Variants in RGS7 observed in about 807,000 individuals in gnomAD.
RGS7 encodes the protein regulator of G-protein signaling 7.
In RGS7, 27 loss-of-function variants were observed where a neutral mutation model predicts 81.1. The ratio of observed to expected loss-of-function variants is 0.33; its 90% CI spans 0.25 to 0.46. RGS7 has a LOEUF of 0.46. RGS7 is among the 20% of genes least tolerant of loss of function. The probability of loss-of-function intolerance (pLI) is 1.00; values close to 1 mark genes in which losing one functional copy is unlikely to be tolerated. For missense variants in RGS7, 396 were observed against 607.4 expected (o/e 0.65, Z 3.66); for synonymous variants, 208 against 207.7 (o/e 1.00, Z -0.01).
intron 3 of RGS7, among the ~76,000 whole-genome samples, chr1:240,983,430 C>G (rs1340332835): frequency 6.6e-6 from 1 of 152,108 alleles, no homozygotes; most frequent in East Asian, 1.9e-4. Flanking sequence ...TATTAAGCAT[C>G]TCCTATATTT....
At chr1:241,348,020 C>T (rs1218208303) in intron 2 of RGS7, among the ~76,000 whole-genome samples, 1 of 152,160 alleles carries the variant, frequency 6.6e-6, no homozygotes, top group Non-Finnish European at 1.5e-5. Context: ...AAGTCCTTTA[C>T]TTCCTGCCAC....
rs12047176 is a variant in RGS7 at position 240,790,125 on chromosome 1, G to T, written c.*6+10516C>A. On this transcript the variant is annotated intron_variant, in intron 18 of 18. Coordinates refer to ENST00000440928, the MANE Select transcript of RGS7 (RefSeq NM_001364886.1). ...CGCATGCCTGTAATCCAAGCTATTT[G>T]GGAGGCTGAAGCAGGAGAATCACTT... is the stretch of plus-strand genomic sequence containing the variant. Among the ~76,000 whole-genome samples the T allele has an allele frequency of 2.9e-4, 44 of 152,158 alleles. No individual in the cohort carries two copies. In the East Asian group the frequency reaches 7.4e-3, roughly 25 times the overall value.
intron 2 of RGS7, among the ~76,000 whole-genome samples, chr1:241,310,270 C>A (rs569284463): frequency 1.3e-5 from 2 of 152,064 alleles, no homozygotes; most frequent in South Asian, 4.2e-4. Flanking sequence ...GAAGTAGCAC[C>A]CTGTCTTCTA....
chr1:241,048,907 G>C (rs2061095252), intron 3 of RGS7, among the ~76,000 whole-genome samples: 1 of 152,170 alleles, frequency 6.6e-6, no homozygotes, highest in African/African-American at 2.4e-5. Context: ...CGATCTCCCT[G>C]CCTCTTCCTA....
chr1:240,831,302 C>A (rs1173703585), intron 9 of RGS7, among the ~76,000 whole-genome samples: 1 of 152,004 alleles, frequency 6.6e-6, no homozygotes, highest in Non-Finnish European at 1.5e-5. Flanking sequence ...CCCAAAGTTG[C>A]CTGGAATACT....
chr1:241,026,025 C>T (rs1439866130), intron 3 of RGS7, among the ~76,000 whole-genome samples: 1 of 152,204 alleles, frequency 6.6e-6, no homozygotes, highest in Non-Finnish European at 1.5e-5. Flanking sequence ...TGTATATTGG[C>T]AAATTGTCTC....
intron 2 of RGS7, among the ~76,000 whole-genome samples, chr1:241,190,701 T>C (rs1349317384): frequency 6.6e-6 from 1 of 152,240 alleles, no homozygotes; most frequent in Non-Finnish European, 1.5e-5. Context: ...ATTTATCAGT[T>C]CTGTGGATGT....
chr1:240,817,520 CGTCTTGACTCTGTATCT>C (rs1305309958), intron 10 of RGS7, among the ~76,000 whole-genome samples: 1 of 152,146 alleles, frequency 6.6e-6, no homozygotes, highest in Non-Finnish European at 1.5e-5. Flanking sequence ...CTTAACACTA[CGTCTTGACTCTGTATCT>C]GTCTTGACTC....
intron 2 of RGS7, among the ~76,000 whole-genome samples, chr1:241,333,142 A>T (rs745527795): frequency 2.0e-5 from 3 of 152,234 alleles, no homozygotes; most frequent in Admixed American, 6.5e-5. Context: ...ATCAATAGAG[A>T]GCCAGACCCA....
At chr1:241,291,042 G>T (rs1051462376) in intron 2 of RGS7, among the ~76,000 whole-genome samples, 1 of 152,132 alleles carries the variant, frequency 6.6e-6, no homozygotes, top group African/African-American at 2.4e-5. Flanking sequence ...TGATTTAAAG[G>T]ATTTCTACTG....
chr1:241,062,937 G>A (rs1351906893), intron 3 of RGS7, among the ~76,000 whole-genome samples: 6 of 151,986 alleles, frequency 3.9e-5, no homozygotes, highest in Admixed American at 2.0e-4. Flanking sequence ...TCCCCTTCCC[G>A]CAATATTATC....
chr1:241,062,604 T>C (rs1170841590), intron 3 of RGS7, among the ~76,000 whole-genome samples: 1 of 152,214 alleles, frequency 6.6e-6, no homozygotes, highest in East Asian at 1.9e-4. Context: ...ACTCTGCAGT[T>C]ACTGAATTGA....
intron 2 of RGS7, among the ~76,000 whole-genome samples, chr1:241,220,968 AGG>A (rs2074879719): frequency 1.0e-5 from 1 of 95,300 alleles, no homozygotes; most frequent in Non-Finnish European, 2.2e-5. Flanking sequence ...GAAGGAAGGA[AGG>A]AAGGAAGGAA....
chr1:240,821,163 C>T (rs1054465489), intron 10 of RGS7, among the ~76,000 whole-genome samples: 2 of 152,136 alleles, frequency 1.3e-5, no homozygotes, highest in Non-Finnish European at 2.9e-5. Flanking sequence ...TCAGAAAAGT[C>T]CCCTCTTGGC....
At chr1:240,821,257 A>C (rs573175092) in intron 10 of RGS7, among the ~76,000 whole-genome samples, 12 of 152,188 alleles carry the variant, frequency 7.9e-5, no homozygotes, top group South Asian at 6.2e-4. Context: ...GTTCGAGACC[A>C]GTCTAGGCAA....
At chr1:240,967,204 C>T (rs573351731) in intron 4 of RGS7, among the ~76,000 whole-genome samples, 7 of 152,096 alleles carry the variant, frequency 4.6e-5, no homozygotes, top group South Asian at 2.1e-4. Context: ...CTTTAGAAAG[C>T]GTGGCTAAGA....
At chr1:240,919,911 A>G (rs1673222783) in intron 6 of RGS7, 2 of 1,148,694 alleles carry the variant, frequency 1.7e-6, no homozygotes, top group Non-Finnish European at 2.6e-6. Flanking sequence ...GGAACCAAAG[A>G]GAGCTGTCTC....
intron 9 of RGS7, among the ~76,000 whole-genome samples, chr1:240,850,945 A>G (rs1659991031): frequency 6.6e-6 from 1 of 152,208 alleles, no homozygotes; most frequent in Admixed American, 6.5e-5. Flanking sequence ...AAACTAGCAG[A>G]GGTTGGTTCA....
At chr1:240,976,269 G>A (rs1684045748) in intron 4 of RGS7, among the ~76,000 whole-genome samples, 1 of 152,192 alleles carries the variant, frequency 6.6e-6, no homozygotes, top group African/African-American at 2.4e-5. Context: ...AAAGCAAAGA[G>A]TGTCAATAGC....
Sources: allele counts gnomAD v4.1 joint callset (sites outside exome capture counted in the v4.1 genomes callset), GRCh38; gene constraint gnomAD v4.1.1; transcripts MANE v1.5; gene names NCBI Gene and HGNC (gene_info 2026-07-23, HGNC 2026-07-21).